Variants in MED13L observed in about 807,000 individuals in gnomAD.
MED13L encodes mediator of RNA polymerase II transcription subunit 13-like.
In MED13L, 7 loss-of-function variants were observed where a neutral mutation model predicts 220.9. The ratio of observed to expected loss-of-function variants is 0.03; its 90% CI spans 0.02 to 0.06. MED13L has a LOEUF of 0.06. Ranked by LOEUF, MED13L falls within the 10% of genes least tolerant of loss-of-function variation. The pLI is 1.00. For synonymous variants in MED13L, 1,011 were observed against 1,015.2 expected (o/e 1.00, Z 0.08); for missense variants, 1,965 against 2,760.5 (o/e 0.71, Z 6.46).
intron 3 of MED13L, among the ~76,000 whole-genome samples, chr12:116,106,268 A>C (rs1433985848): frequency 2.0e-5 from 3 of 152,198 alleles, no homozygotes; most frequent in Non-Finnish European, 4.4e-5. Context: ...GACTTCTGGA[A>C]GGCTGGCAAG....
intron 1 of MED13L, among the ~76,000 whole-genome samples, chr12:116,253,727 C>G (rs1163439483): frequency 7.0e-6 from 1 of 143,268 alleles, no homozygotes; most frequent in African/African-American, 2.6e-5. Flanking sequence ...TAACAAAAAT[C>G]AATACCCACC....
At chr12:116,139,970 C>CAA (rs36124478) in intron 2 of MED13L, among the ~76,000 whole-genome samples, 2,539 of 63,476 alleles carry the variant, frequency 0.04, 37 homozygotes, top group African/African-American at 0.085. Context: ...AACTCCATCT[C>CAA]AAAAAAAAAA....
intron 2 of MED13L, among the ~76,000 whole-genome samples, chr12:116,190,291 T>C (rs971154774): frequency 5.3e-5 from 8 of 152,220 alleles, no homozygotes; most frequent in African/African-American, 1.9e-4. Context: ...GATGATTATG[T>C]TTGATAATCA....
At chr12:116,044,277 C>A (rs1256321665) in intron 4 of MED13L, among the ~76,000 whole-genome samples, 2 of 152,102 alleles carry the variant, frequency 1.3e-5, no homozygotes, top group Non-Finnish European at 2.9e-5. Context: ...AAAAATTAAC[C>A]AATTAAGTTT....
At chr12:116,075,909 GAT>G (rs1870750983) in intron 4 of MED13L, among the ~76,000 whole-genome samples, 1 of 143,348 alleles carries the variant, frequency 7.0e-6, no homozygotes, top group Non-Finnish European at 1.5e-5. Flanking sequence ...GGAGCCAGAA[GAT>G]TTTTTTTTTT....
At chr12:116,062,840 C>A (rs1382830095) in intron 4 of MED13L, among the ~76,000 whole-genome samples, 1 of 152,156 alleles carries the variant, frequency 6.6e-6, no homozygotes, top group African/African-American at 2.4e-5. Flanking sequence ...GACCAGCACA[C>A]AACATGGAGT....
At chr12:116,021,732 C>T (rs1880071680) in intron 5 of MED13L, among the ~76,000 whole-genome samples, 1 of 151,756 alleles carries the variant, frequency 6.6e-6, no homozygotes, top group South Asian at 2.1e-4. Flanking sequence ...TAGACTGAAC[C>T]AAAAAAAGAT....
chr12:116,084,608 AT>A (rs1469838580), intron 4 of MED13L, among the ~76,000 whole-genome samples: 1 of 152,158 alleles, frequency 6.6e-6, no homozygotes, highest in Admixed American at 6.6e-5. Context: ...ATTTTCTGAT[AT>A]AAAGCTTAAA....
intron 4 of MED13L, among the ~76,000 whole-genome samples, chr12:116,042,054 T>C (rs1881564887): frequency 6.6e-6 from 1 of 152,188 alleles, no homozygotes; most frequent in African/African-American, 2.4e-5. Context: ...TTTAAAACTA[T>C]TGTTAGAATA....
rs150761787 is a variant in MED13L at position 116,015,190 on chromosome 12, G to C, written c.1094C>G (p.Ser365Trp). 4 of 1,613,692 alleles carry C rather than the reference G, an allele frequency of 2.5e-6. No homozygotes were observed. Among genetic ancestry groups the C allele is most frequent in the Non-Finnish European group, 3.4e-6 (4 of 1,179,780 alleles). ...GTGGAGTTTTGGAGGAATCTTCCCC[G>C]ATCTCTTTGGACTGTGCATCGTTAT... is the stretch of plus-strand genomic sequence containing the variant. Reference protein sequence around the residue: ...GMITMHSPKRSGKIPPKLHNH... With the variant: ...GMITMHSPKRWGKIPPKLHNH... Residue 365 changes from serine to tryptophan, a missense_variant, in exon 8 of 31, where the codon TCG (serine) becomes TGG (tryptophan). Ser to Trp is a radical substitution (Grantham distance 177, BLOSUM62 -3). Coordinates refer to ENST00000281928, the MANE Select transcript of MED13L (RefSeq NM_015335.5).
intron 2 of MED13L, among the ~76,000 whole-genome samples, chr12:116,210,102 A>T (rs1362670323): frequency 6.6e-6 from 1 of 152,178 alleles, no homozygotes; most frequent in African/African-American, 2.4e-5. Context: ...ATGACAAGAG[A>T]TAAAACATTG....
chr12:115,995,742 T>G lies in MED13L; in HGVS notation c.2996+734A>C, dbSNP rs562211085. ...CCGGCCCTAGCCTATCTTCAACATA[T>G]TCAGAACACTTACATTGGCCTACCA... is the stretch of plus-strand genomic sequence containing the variant. On this transcript the variant is annotated intron_variant, in intron 16 of 30. Coordinates refer to ENST00000281928, the MANE Select transcript of MED13L (RefSeq NM_015335.5). Among the ~76,000 whole-genome samples, 14 of 152,118 alleles carry G rather than the reference T, an allele frequency of 9.2e-5. No homozygotes were observed. The East Asian group carries it at 2.7e-3, about 29-fold the overall frequency.
intron 2 of MED13L, among the ~76,000 whole-genome samples, chr12:116,172,959 G>A (rs12369781): frequency 0.092 from 13,571 of 147,904 alleles, 712 homozygotes; most frequent in East Asian, 0.22. Flanking sequence ...GTACTATTCC[G>A]TGCTATACAA....
chr12:115,994,172 G>A (rs1202345425), intron 16 of MED13L, among the ~76,000 whole-genome samples: 1 of 152,302 alleles, frequency 6.6e-6, no homozygotes, highest in East Asian at 1.9e-4. Context: ...CATGCCAGGT[G>A]CAGTAGCTCA....
At chr12:116,273,198 G>A (rs375016660) in intron 1 of MED13L, among the ~76,000 whole-genome samples, 57 of 152,226 alleles carry the variant, frequency 3.7e-4, no homozygotes, top group South Asian at 1.2e-3. Context: ...CAGGTATTCC[G>A]GAGGCTGAGG....
chr12:115,978,920 C>T (rs1877140849), intron 23 of MED13L, among the ~76,000 whole-genome samples: 1 of 152,174 alleles, frequency 6.6e-6, no homozygotes, highest in South Asian at 2.1e-4. Context: ...CATGTGATAA[C>T]TTGCATAAAA....
chr12:116,030,823 A>G (rs896864423), intron 4 of MED13L, among the ~76,000 whole-genome samples: 2 of 152,142 alleles, frequency 1.3e-5, no homozygotes, highest in Non-Finnish European at 2.9e-5. Context: ...AATTTTCTAT[A>G]AAAATAAAAG....
At chr12:116,059,801 T>C (rs946489293) in intron 4 of MED13L, among the ~76,000 whole-genome samples, 3 of 152,064 alleles carry the variant, frequency 2.0e-5, no homozygotes, top group Non-Finnish European at 4.4e-5. Flanking sequence ...AATTATTAAA[T>C]TTAATTAATA....
At chr12:115,972,686 A>G (rs776172457) in intron 25 of MED13L, among the ~76,000 whole-genome samples, 14 of 152,238 alleles carry the variant, frequency 9.2e-5, no homozygotes, top group South Asian at 2.1e-4. Context: ...TATTTCCATG[A>G]AAGTCAAACA....
Sources: gnomAD v4.1 joint callset for allele counts (sites outside exome capture counted in the v4.1 genomes callset) on GRCh38, gnomAD v4.1.1 for gene constraint, MANE v1.5 for transcripts, NCBI Gene and HGNC (gene_info 2026-07-23, HGNC 2026-07-21) for gene names.